The following APCDD1L variants were observed in gnomAD, a reference collection of about 807,000 sequenced individuals.
APCDD1L encodes the protein protein APCDD1-like.
Under a neutral mutation model 24.2 loss-of-function variants are expected in APCDD1L, and 21 were observed. The observed-to-expected ratio is 0.87, with a 90% CI of 0.61 to 1.25. APCDD1L has a LOEUF of 1.25. Ranked by LOEUF, APCDD1L falls within the 50% of genes most tolerant of loss-of-function variation. APCDD1L has a pLI of 0.00. For synonymous variants in APCDD1L, 321 were observed against 323.6 expected, an observed-to-expected ratio of 0.99 and a Z score of 0.09; for missense variants, 704 against 711.7, an observed-to-expected ratio of 0.99 and a Z score of 0.12.
At chr20:58,501,034 C>T (rs1325345418) in intron 1 of APCDD1L, among the ~76,000 whole-genome samples, 1 of 152,126 alleles carries the variant, frequency 6.6e-6, no homozygotes, top group African/African-American at 2.4e-5. Context: ...AAAGATGAAC[C>T]CCTGGGAACC....
At chr20:58,481,168 T>G (rs1990017765) in intron 1 of APCDD1L, among the ~76,000 whole-genome samples, 1 of 152,232 alleles carries the variant, frequency 6.6e-6, no homozygotes, top group South Asian at 2.1e-4. Flanking sequence ...AATGTCCTGT[T>G]GCCTGCCCTA....
At chr20:58,498,425 C>T (rs1440242805) in intron 1 of APCDD1L, among the ~76,000 whole-genome samples, 2 of 152,136 alleles carry the variant, frequency 1.3e-5, no homozygotes. Context: ...TATTGCATTT[C>T]CTGATTAACA....
At chr20:58,507,819 A>G (rs1298044522) in intron 1 of APCDD1L, among the ~76,000 whole-genome samples, 2 of 152,268 alleles carry the variant, frequency 1.3e-5, no homozygotes, top group African/African-American at 2.4e-5. Context: ...TGAATCTCCC[A>G]TATGATGACA....
At chr20:58,502,436 C>A (rs749856777) in intron 1 of APCDD1L, among the ~76,000 whole-genome samples, 45 of 152,250 alleles carry the variant, frequency 3.0e-4, no homozygotes, top group Non-Finnish European at 5.7e-4. Flanking sequence ...TATGTCCTAC[C>A]TCTGCCCCAT....
intron 1 of APCDD1L, among the ~76,000 whole-genome samples, chr20:58,487,083 T>C (rs1338570197): frequency 6.6e-6 from 1 of 151,836 alleles, no homozygotes; most frequent in Non-Finnish European, 1.5e-5. Context: ...GCTGGGAAGG[T>C]CTTAGTTTTA....
In APCDD1L at chr20:58,460,898, C is replaced by T. The variant is rs771093369; in HGVS notation, c.1398G>A (p.Pro466=). 7 of 1,608,018 alleles carry T rather than the reference C, an allele frequency of 4.4e-6. No individual in the cohort carries two copies. Among genetic ancestry groups the T allele is most frequent in the African/African-American group, 4.0e-5 (3 of 74,774 alleles). ...GCTTCTGCAGCGATGGCCTGTGCTGCGGTGGCCTGGAGAAGTCGGGGGCCT... is the reference window on the plus strand; with the variant it reads ...GCTTCTGCAGCGATGGCCTGTGCTGTGGTGGCCTGGAGAAGTCGGGGGCCT... The part of the protein sequence containing the change: ...HGEAPDFSRP[P]QHRPSLQKHP... Residue 466 remains proline (P), a synonymous_variant, in exon 4 of 4, where the codon CCG becomes CCA. Transcript: ENST00000371149. This position sits in a 1 kb window ranked among gnomAD's most constrained non-coding sequence, Gnocchi z 4.2.
At chr20:58,503,831 C>T (rs374719736) in intron 1 of APCDD1L, among the ~76,000 whole-genome samples, 7 of 152,352 alleles carry the variant, frequency 4.6e-5, no homozygotes, top group African/African-American at 1.7e-4. Flanking sequence ...AAAGGGACTT[C>T]TTGGATGGGC....
intron 1 of APCDD1L, among the ~76,000 whole-genome samples, chr20:58,495,026 T>C (rs908012603): frequency 3.3e-5 from 5 of 152,164 alleles, no homozygotes; most frequent in African/African-American, 4.8e-5. Context: ...CCTGCACTCC[T>C]CCATAAACAA....
chr20:58,494,405 T>C lies in APCDD1L; in HGVS notation c.49+20254A>G, dbSNP rs541006707. 6.6e-6 allele frequency among the ~76,000 whole-genome samples: 1 copy of C among 152,248 alleles called. No homozygotes were observed. Among genetic ancestry groups the C allele is most frequent in the Admixed American group, 6.5e-5 (1 of 15,298 alleles). Reference sequence around the variant, plus strand: ...TAGGCTAGAGTACAATGGGATCGGCTCACTGCAGCCTCAAACTCCCCGGCT... The same window carrying C: ...TAGGCTAGAGTACAATGGGATCGGCCCACTGCAGCCTCAAACTCCCCGGCT... On this transcript the variant is annotated intron_variant, in intron 1 of 3. Transcript: ENST00000371149. The surrounding 1 kb of genome is among the most constrained non-coding windows in gnomAD (Gnocchi z 4.8).
Position 58,461,428 on chromosome 20 carries a change from C to T in APCDD1L, c.868G>A (p.Glu290Lys), listed in dbSNP as rs1240507895. ...LGGWWVSSGC[E>K]VRPAVLFLTR... ...AGGAACAGGACTGCTGGGCGCACCTCGCACCCCGAGCTGACCCACCAGCCG... is the reference window on the plus strand; with the variant it reads ...AGGAACAGGACTGCTGGGCGCACCTTGCACCCCGAGCTGACCCACCAGCCG... Residue 290 changes from glutamate (E) to lysine (K), a missense_variant, in exon 4 of 4, where the codon GAG becomes AAG. Transcript: ENST00000371149. The surrounding 1 kb of genome is among the most constrained non-coding windows in gnomAD (Gnocchi z 6.0). 20 of 1,526,742 alleles carry T rather than the reference C, an allele frequency of 1.3e-5. No homozygotes were observed. Among genetic ancestry groups the T allele is most frequent in the South Asian group, 2.5e-5 (2 of 78,758 alleles). 94.6% of individuals were successfully genotyped at this position (1,526,742 alleles called of 1,614,324 possible).
chr20:58,497,713 A>C lies in APCDD1L; in HGVS notation c.49+16946T>G, dbSNP rs1990351992. ...AGACCCTGTCTCTAAATGAGGTCAC[A>C]CATGCTGAGGCCCTGGGGGTCAGGA... On this transcript the variant is annotated intron_variant, in intron 1 of 3. Coordinates refer to ENST00000371149, the MANE Select transcript of APCDD1L (RefSeq NM_153360.3). This position sits in a 1 kb window ranked among gnomAD's most constrained non-coding sequence, Gnocchi z 4.3. 6.6e-6 allele frequency among the ~76,000 whole-genome samples: 1 copy of C among 152,208 alleles called. No homozygotes were observed. Among genetic ancestry groups the C allele is most frequent in the African/African-American group, 2.4e-5 (1 of 41,444 alleles).
chr20:58,474,821 C>T (rs1989877045), intron 1 of APCDD1L, among the ~76,000 whole-genome samples: 1 of 152,230 alleles, frequency 6.6e-6, no homozygotes, highest in Non-Finnish European at 1.5e-5. Flanking sequence ...AACACGATCT[C>T]ATTCCAGAAT....
intron 1 of APCDD1L, among the ~76,000 whole-genome samples, chr20:58,476,676 C>T (rs1403497510): frequency 6.6e-6 from 1 of 152,224 alleles, no homozygotes; most frequent in African/African-American, 2.4e-5. Flanking sequence ...TGGCCAACAA[C>T]TTCAATGATT....
chr20:58,484,658 G>T (rs1419303670), intron 1 of APCDD1L, among the ~76,000 whole-genome samples: 3 of 152,150 alleles, frequency 2.0e-5, no homozygotes, highest in Non-Finnish European at 4.4e-5. Context: ...CACATTCACA[G>T]TCTGCCGCGG....
chr20:58,485,143 T>TACACAC (rs3069429), intron 1 of APCDD1L, among the ~76,000 whole-genome samples: 6,215 of 149,656 alleles, frequency 0.042, 386 homozygotes, highest in African/African-American at 0.13. Context: ...TAGGTTGTGG[T>TACACAC]ACACACACAC....
Position 58,494,301 on chromosome 20 carries a change from CTT to C in APCDD1L, c.49+20356_49+20357del, listed in dbSNP as rs1324013062. 1.5e-5 allele frequency among the ~76,000 whole-genome samples: 2 copies of C among 130,518 alleles called. No homozygotes were observed. Among genetic ancestry groups the C allele is most frequent in the Non-Finnish European group, 3.0e-5 (2 of 65,836 alleles). The allele number at this position is 130,518 out of a possible 152,430, so 85.6% of individuals were successfully genotyped here. A position where few individuals can be genotyped will look rare whatever the true frequency, so the allele number is the denominator to read the frequency against. ...TTTTCTTTTCTTACTTTTCTTTTCT[CTT>C]CTCTCTTCTCTTCTCTTCTTTTCCT... On this transcript the variant is annotated intron_variant, in intron 1 of 3. Transcript: ENST00000371149. This position sits in a 1 kb window ranked among gnomAD's most constrained non-coding sequence, Gnocchi z 4.8.
intron 1 of APCDD1L, among the ~76,000 whole-genome samples, chr20:58,510,133 C>T (rs140217774): frequency 6.6e-6 from 1 of 152,306 alleles, no homozygotes; most frequent in African/African-American, 2.4e-5. Context: ...GGGCTAGATA[C>T]CCCTAAAACT....
chr20:58,462,608 C>T (rs763290477), intron 3 of APCDD1L, among the ~76,000 whole-genome samples: 3 of 152,176 alleles, frequency 2.0e-5, no homozygotes, highest in Non-Finnish European at 4.4e-5. Flanking sequence ...CTTTGGGAGG[C>T]TGAGGTGGGC....
intron 1 of APCDD1L, among the ~76,000 whole-genome samples, chr20:58,493,599 C>T (rs1385361543): frequency 6.6e-6 from 1 of 152,018 alleles, no homozygotes; most frequent in Non-Finnish European, 1.5e-5. Flanking sequence ...AAAGCAAACA[C>T]AGAAGAATAC....
Sources: gnomAD v4.1 joint callset for allele counts (sites outside exome capture counted in the v4.1 genomes callset) on GRCh38, gnomAD v4.1.1 for gene constraint, Gnocchi (gnomAD v3.1) non-coding constraint, MANE v1.5 for transcripts, NCBI Gene and HGNC (gene_info 2026-07-23, HGNC 2026-07-21) for gene names.